The following TOGARAM1 variants were observed in gnomAD, a reference collection of about 807,000 sequenced individuals.
TOGARAM1 encodes TOG array regulator of axonemal microtubules protein 1.
A neutral mutation model predicts 166.6 loss-of-function variants in TOGARAM1; 100 were observed. The ratio of observed to expected loss-of-function variants is 0.60; its 90% CI spans 0.51 to 0.71. The LOEUF (loss-of-function observed/expected upper bound fraction) is 0.71, where lower values mean the gene tolerates loss of function less well. TOGARAM1 is among the 30% of genes least tolerant of loss of function. The probability of loss-of-function intolerance (pLI) is 0.00; values close to 1 mark genes in which losing one functional copy is unlikely to be tolerated. For missense variants in TOGARAM1, 2,029 were observed against 2,102.7 expected (o/e 0.96, Z 0.69); for synonymous variants, 758 against 763.8 (o/e 0.99, Z 0.13).
At chr14:45,034,718 G>A (rs1268520010) in intron 11 of TOGARAM1, among the ~76,000 whole-genome samples, 1 of 152,058 alleles carries the variant, frequency 6.6e-6, no homozygotes, top group Non-Finnish European at 1.5e-5. Flanking sequence ...TTAAAAGCAA[G>A]GCCTAAGATG....
At chr14:44,966,530 G>T (rs1422671333) in intron 1 of TOGARAM1, among the ~76,000 whole-genome samples, 4 of 151,954 alleles carry the variant, frequency 2.6e-5, no homozygotes, top group African/African-American at 7.3e-5. Flanking sequence ...TTAAAAAATT[G>T]TGACATTTCT....
chr14:45,033,252 C>CAAA (rs1434217190), intron 11 of TOGARAM1, among the ~76,000 whole-genome samples: 2,526 of 105,512 alleles, frequency 0.024, 96 homozygotes, highest in African/African-American at 0.077. Flanking sequence ...AACTCTGTCT[C>CAAA]AAAAAAAAAA....
chr14:45,028,477 G>A lies in TOGARAM1; in HGVS notation c.3658+148G>A, dbSNP rs1403332580. The A allele has an allele frequency of 7.7e-6, 6 of 782,598 alleles. No individual in the cohort carries two copies. In the African/African-American group the frequency reaches 1.1e-4, roughly 14 times the overall value. 48.5% of individuals were successfully genotyped at this position (782,598 alleles called of 1,614,324 possible). A position where few individuals can be genotyped will look rare whatever the true frequency, so the allele number is the denominator to read the frequency against. On this transcript the variant is annotated intron_variant, in intron 10 of 19. Transcript: ENST00000361462. Reference sequence around the variant, plus strand: ...GCAAGTTCTGCCTTTAATTAGCTTTGTGACCTGGAAGCAGCCCTCAGTTTT... The same window carrying A: ...GCAAGTTCTGCCTTTAATTAGCTTTATGACCTGGAAGCAGCCCTCAGTTTT...
chr14:45,017,089 T>C lies in TOGARAM1; in HGVS notation c.3238+5014T>C, dbSNP rs79964639. ...ACAAAATGAACAATACCCAAGACAT[T>C]GTAAGCCTACACAAGGTTAGTAAAT... On this transcript the variant is annotated intron_variant, in intron 7 of 19. Coordinates refer to ENST00000361462, the MANE Select transcript of TOGARAM1 (RefSeq NM_001308120.2). Among the ~76,000 whole-genome samples the C allele has an allele frequency of 3.9e-3, 589 of 152,294 alleles. 24 individuals are homozygous for C. The East Asian group carries it at 0.091, about 24-fold the overall frequency.
rs145436004 is a variant in TOGARAM1, at chr14:45,048,999, C to T, written c.4313+2296C>T. On this transcript the variant is annotated intron_variant, in intron 14 of 19. Coordinates refer to ENST00000361462, the MANE Select transcript of TOGARAM1 (RefSeq NM_001308120.2). Reference sequence around the variant, plus strand: ...GTTGACTCAGGCCAGAACATCCGCCCAGTAGGTGGACAGCAAATGGTCAAT... The same window carrying T: ...GTTGACTCAGGCCAGAACATCCGCCTAGTAGGTGGACAGCAAATGGTCAAT... Among the ~76,000 whole-genome samples, 459 of 143,874 alleles carry T rather than the reference C, an allele frequency of 3.2e-3. 3 individuals carry two copies. The highest frequency in any genetic ancestry group is 0.011 in the African/African-American group (429 of 37,530). 94.4% of individuals were successfully genotyped at this position (143,874 alleles called of 152,430 possible). A position where few individuals can be genotyped will look rare whatever the true frequency, so the allele number is the denominator to read the frequency against.
chr14:45,048,988 G>T lies in TOGARAM1; in HGVS notation c.4313+2285G>T, dbSNP rs531922796. 3.3e-5 allele frequency among the ~76,000 whole-genome samples: 4 copies of T among 122,124 alleles called. No homozygotes were observed. The East Asian group carries it at 1.1e-3, about 33-fold the overall frequency. The allele number at this position is 122,124 out of a possible 152,430, so 80.1% of individuals were successfully genotyped here. A position where few individuals can be genotyped will look rare whatever the true frequency, so the allele number is the denominator to read the frequency against. ...TGGGACAGAGGGTTGACTCAGGCCA[G>T]AACATCCGCCCAGTAGGTGGACAGC... On this transcript the variant is annotated intron_variant, in intron 14 of 19. Transcript: ENST00000361462.
At chr14:44,966,997 C>T (rs1885588682) in intron 1 of TOGARAM1, among the ~76,000 whole-genome samples, 1 of 151,932 alleles carries the variant, frequency 6.6e-6, no homozygotes, top group Non-Finnish European at 1.5e-5. Context: ...TGATGCCTAG[C>T]CTTACTTTGG....
rs1885381631 is a variant in TOGARAM1 at position 44,964,124 on chromosome 14, C to T, written c.1703C>T (p.Ala568Val). 2.5e-6 allele frequency: 4 copies of T among 1,614,196 alleles called. No homozygotes were observed. In the East Asian group the frequency reaches 8.9e-5, roughly 36 times the overall value. Residue 568 changes from alanine (A) to valine (V), a missense_variant, in exon 1 of 20, where the codon GCT becomes GTT. Around this residue, in one of 2 missense-constraint regions of TOGARAM1, gnomAD observed 1,453 missense variants for 1,432.2 expected, o/e 1.01. Coordinates refer to ENST00000361462, the MANE Select transcript of TOGARAM1 (RefSeq NM_001308120.2). ...LQDNGDGVMN[A>V]VQARLARKTL... is the part of the protein sequence containing the mutation. ...GATAATGGAGATGGAGTGATGAATG[C>T]TGTGCAGGCCAGATTGGCTAGGAAA...
rs1166909751 is a variant in TOGARAM1 at position 45,066,618 on chromosome 14, C to T, written c.4600C>T (p.Pro1534Ser). 1.2e-6 allele frequency: 2 copies of T among 1,609,894 alleles called. No individual in the cohort carries two copies. The highest frequency in any genetic ancestry group is 1.3e-5 in the African/African-American group (1 of 74,794). The change falls in exon 17 of 20, where the codon CCT (proline) becomes TCT (serine). Residue 1534 changes from proline (P) to serine (S), a missense_variant. Physicochemically the swap from Pro to Ser is moderately conservative, Grantham distance 74. Coordinates refer to ENST00000361462, the MANE Select transcript of TOGARAM1 (RefSeq NM_001308120.2). ...EVREVTRKSV[P>S]RNSLESAEYL... ...TCGTGAAGTCACCAGAAAATCAGTC[C>T]CTCGTAATTCCTTAGAAAGTGCTGA...
At chr14:44,991,802 T>G (rs1005212412) in intron 1 of TOGARAM1, among the ~76,000 whole-genome samples, 1 of 152,108 alleles carries the variant, frequency 6.6e-6, no homozygotes, top group East Asian at 1.9e-4. Context: ...GATTTATCAG[T>G]AGGATTCTAC....
chr14:44,969,114 C>T (rs985603045), intron 1 of TOGARAM1, among the ~76,000 whole-genome samples: 2 of 95,392 alleles, frequency 2.1e-5, no homozygotes, highest in African/African-American at 3.7e-5. Context: ...TCTTTCTTTC[C>T]TTCCTTCCTT....
At chr14:45,000,594 GTTC>G (rs1887651169) in intron 3 of TOGARAM1, among the ~76,000 whole-genome samples, 1 of 151,926 alleles carries the variant, frequency 6.6e-6, no homozygotes, top group Non-Finnish European at 1.5e-5. Context: ...TTCTTTATCT[GTTC>G]TTCTGCCGAT....
Position 44,963,567 on chromosome 14 carries a change from T to G in TOGARAM1, c.1146T>G (p.Phe382Leu). 1.2e-6 allele frequency: 2 copies of G among 1,613,844 alleles called. No homozygotes were observed. The highest frequency in any genetic ancestry group is 1.7e-6 in the Non-Finnish European group (2 of 1,179,866). ...AACTAAAGCAGGTGCTGGGAAAATT[T>G]AACCCTAGTTCTACTCCTCATTCTA... ...VEELKQVLGK[F>L]NPSSTPHSSL... Residue 382 changes from phenylalanine (F) to leucine (L), a missense_variant, in exon 1 of 20, where the codon TTT (phenylalanine) becomes TTG (leucine). Physicochemically the swap from Phe to Leu is conservative, Grantham distance 22 (BLOSUM62 0). This residue lies in a region of TOGARAM1 where 1,453 missense variants were observed against 1,432.2 expected (regional missense o/e 1.01). Coordinates refer to ENST00000361462, the MANE Select transcript of TOGARAM1 (RefSeq NM_001308120.2).
chr14:45,015,622 T>C (rs1880085540), intron 7 of TOGARAM1, among the ~76,000 whole-genome samples: 1 of 151,940 alleles, frequency 6.6e-6, no homozygotes, highest in Non-Finnish European at 1.5e-5. Context: ...ATTTGGGTAC[T>C]TAAAATGTGT....
At chr14:45,045,845 T>TG (rs1182167050) in intron 13 of TOGARAM1, among the ~76,000 whole-genome samples, 1 of 150,802 alleles carries the variant, frequency 6.6e-6, no homozygotes, top group Non-Finnish European at 1.5e-5. Flanking sequence ...TGAATTTTGT[T>TG]GCTATAAACA....
intron 7 of TOGARAM1, among the ~76,000 whole-genome samples, chr14:45,015,970 T>G (rs762619218): frequency 6.6e-6 from 1 of 152,208 alleles, no homozygotes; most frequent in Non-Finnish European, 1.5e-5. Context: ...GTTTTCAGTT[T>G]TTTCGTTTTT....
intron 1 of TOGARAM1, among the ~76,000 whole-genome samples, chr14:44,987,880 A>G (rs1270453797): frequency 6.6e-6 from 1 of 150,474 alleles, no homozygotes; most frequent in East Asian, 1.9e-4. Flanking sequence ...GATAGACTGG[A>G]TTAAGAAAAT....
In TOGARAM1 at chr14:45,052,482, T is replaced by C. The variant is rs745623896; in HGVS notation, c.4360T>C (p.Phe1454Leu). The change falls in exon 15 of 20, where the codon TTT (phenylalanine) becomes CTT (leucine). Residue 1454 changes from phenylalanine (F) to leucine (L), a missense_variant. This residue lies in a region of TOGARAM1 where 576 missense variants were observed against 670.5 expected (regional missense o/e 0.86). Coordinates refer to ENST00000361462, the MANE Select transcript of TOGARAM1 (RefSeq NM_001308120.2). ...MLFFMMCHPN[F>L]EKMLEKYVPS... is the part of the protein sequence containing the mutation. ...GTTCTTCATGATGTGTCATCCTAAC[T>C]TTGAAAAAATGCTTGAAAAGTATGT... The C allele has an allele frequency of 1.5e-5, 25 of 1,613,026 alleles. No homozygotes were observed. The highest frequency in any genetic ancestry group is 2.1e-5 in the Non-Finnish European group (25 of 1,179,528).
intron 12 of TOGARAM1, among the ~76,000 whole-genome samples, chr14:45,044,063 G>T (rs867541867): frequency 6.6e-6 from 1 of 152,118 alleles, no homozygotes; most frequent in African/African-American, 2.4e-5. Flanking sequence ...AGGCTGGAGT[G>T]CAGTGGTGGG....
Sources: gnomAD v4.1 joint callset for allele counts (sites outside exome capture counted in the v4.1 genomes callset) on GRCh38, gnomAD v4.1.1 for gene constraint, gnomAD v4.1.1 regional missense constraint, MANE v1.5 for transcripts, NCBI Gene and HGNC (gene_info 2026-07-23, HGNC 2026-07-21) for gene names.